Variants in ARHGAP44 observed in about 807,000 individuals in gnomAD.
ARHGAP44 encodes Rho GTPase activating protein 44.
A neutral mutation model predicts 106.8 loss-of-function variants in ARHGAP44; 43 were observed. The observed-to-expected ratio is 0.40, with a 90% CI of 0.32 to 0.52. The LOEUF is 0.52. ARHGAP44 is among the 20% of genes least tolerant of loss of function. The probability of loss-of-function intolerance (pLI) is 0.48; values close to 1 mark genes in which losing one functional copy is unlikely to be tolerated. For missense variants in ARHGAP44, 866 were observed against 1,050.5 expected, an observed-to-expected ratio of 0.82 and a Z score of 2.43; for synonymous variants, 439 against 410.3, an observed-to-expected ratio of 1.07 and a Z score of -0.85.
chr17:12,906,077 G>A (rs984749049), intron 3 of ARHGAP44, among the ~76,000 whole-genome samples: 1 of 152,212 alleles, frequency 6.6e-6, no homozygotes, highest in Non-Finnish European at 1.5e-5. Flanking sequence ...GTGCCAATCA[G>A]AAATGTCTCC....
At chr17:12,967,774 AC>A (rs1468847087) in intron 16 of ARHGAP44, among the ~76,000 whole-genome samples, 1 of 152,070 alleles carries the variant, frequency 6.6e-6, no homozygotes, top group Non-Finnish European at 1.5e-5. Context: ...TGTATGGTCT[AC>A]CAGGTTGCAG....
chr17:12,989,099 C>G (rs375177541), intron 20 of ARHGAP44, among the ~76,000 whole-genome samples: 764 of 37,314 alleles, frequency 0.02, 13 homozygotes, highest in African/African-American at 0.043. Context: ...CTCCACCCCC[C>G]CCAAAAAAAA....
Position 12,949,232 on chromosome 17 carries a change from A to G in ARHGAP44, c.954A>G (p.Ala318=). Residue 318 remains alanine, a synonymous_variant, in exon 11 of 21, where the codon GCA becomes GCG. Coordinates refer to ENST00000379672, the MANE Select transcript of ARHGAP44 (RefSeq NM_014859.6). This position sits in a 1 kb window ranked among gnomAD's most constrained non-coding sequence, Gnocchi z 4.1. Reference sequence around the variant, plus strand: ...TGGTGGATGTGCAGGAGTACTCGGCAGACCCCCACGCAATTGCAGGTGGGC... The same window carrying G: ...TGGTGGATGTGCAGGAGTACTCGGCGGACCCCCACGCAATTGCAGGTGGGC... ...CCVVDVQEYS[A]DPHAIAGALK... 5 of 1,566,698 alleles carry G rather than the reference A, an allele frequency of 3.2e-6. No homozygotes were observed. Among genetic ancestry groups the G allele is most frequent in the Non-Finnish European group, 4.3e-6 (5 of 1,155,760 alleles).
At chr17:12,859,590 A>G (rs1397927678) in intron 1 of ARHGAP44, among the ~76,000 whole-genome samples, 2 of 152,130 alleles carry the variant, frequency 1.3e-5, no homozygotes, top group Non-Finnish European at 2.9e-5. Flanking sequence ...ATTCTCTCTT[A>G]ATATTTCCTG....
At chr17:12,886,477 C>T (rs1434757227) in intron 1 of ARHGAP44, among the ~76,000 whole-genome samples, 2 of 151,992 alleles carry the variant, frequency 1.3e-5, no homozygotes, top group African/African-American at 4.8e-5. Flanking sequence ...TTTAGATTTG[C>T]TTTTATTTAT....
At chr17:12,942,241 G>A (rs923701049) in intron 8 of ARHGAP44, among the ~76,000 whole-genome samples, 3 of 152,336 alleles carry the variant, frequency 2.0e-5, no homozygotes, top group Admixed American at 6.5e-5. Context: ...CCACCTCCTG[G>A]GTTAAGATGA....
chr17:12,970,457 T>C (rs1300860654), intron 16 of ARHGAP44, among the ~76,000 whole-genome samples: 1 of 152,042 alleles, frequency 6.6e-6, no homozygotes, highest in East Asian at 1.9e-4. Context: ...ACTCCCCAGA[T>C]TCTGTAGGCT....
At chr17:12,903,648 A>C (rs2150932439) in intron 3 of ARHGAP44, among the ~76,000 whole-genome samples, 1 of 152,286 alleles carries the variant, frequency 6.6e-6, no homozygotes, top group East Asian at 1.9e-4. Flanking sequence ...TGTTGGTTAC[A>C]TGAGTAAGTT....
intron 1 of ARHGAP44, among the ~76,000 whole-genome samples, chr17:12,832,833 A>G (rs2035127522): frequency 1.3e-5 from 2 of 152,212 alleles, no homozygotes; most frequent in African/African-American, 4.8e-5. Flanking sequence ...TAAAAGGGAA[A>G]CATTGGAAGT....
chr17:12,833,025 C>A (rs2035133121), intron 1 of ARHGAP44, among the ~76,000 whole-genome samples: 1 of 152,222 alleles, frequency 6.6e-6, no homozygotes, highest in South Asian at 2.1e-4. Context: ...TGTGCCTGGG[C>A]ACAGTACTAT....
chr17:12,973,923 C>T, intron 17 of ARHGAP44, 166 bp from the exon 18 acceptor site: 1 of 747,462 alleles, frequency 1.3e-6, no homozygotes, highest in South Asian at 1.7e-5. Flanking sequence ...CGGGAGCAGC[C>T]AGGGTGCTGG....
chr17:12,923,236 GT>G (rs2038137043), intron 6 of ARHGAP44, among the ~76,000 whole-genome samples: 1 of 151,854 alleles, frequency 6.6e-6, no homozygotes, highest in African/African-American at 2.4e-5. Context: ...TTGAGACAGA[GT>G]TTTGCTCTTG....
At chr17:12,818,860 T>C (rs1031139691) in intron 1 of ARHGAP44, among the ~76,000 whole-genome samples, 1 of 152,056 alleles carries the variant, frequency 6.6e-6, no homozygotes, top group Non-Finnish European at 1.5e-5. Flanking sequence ...TATTGATCTA[T>C]AGGTTTCGTG....
In ARHGAP44 at chr17:12,941,046, C is replaced by T; in HGVS notation, c.583-10C>T. The T allele has an allele frequency of 6.2e-7, 1 of 1,613,594 alleles. No individual in the cohort carries two copies. The highest frequency in any genetic ancestry group is 8.5e-7 in the Non-Finnish European group (1 of 1,179,656). ...TGTTTTACCTTGGTTGTATATTTTA[C>T]CTTGCACAGGACCAGCTCTCAGCTG... is the stretch of plus-strand genomic sequence containing the variant. On this transcript the variant is annotated splice_polypyrimidine_tract_variant and intron_variant, in intron 7 of 20. Transcript: ENST00000379672.
chr17:12,942,986 T>G (rs1051956817), intron 8 of ARHGAP44, among the ~76,000 whole-genome samples: 9 of 151,842 alleles, frequency 5.9e-5, no homozygotes, highest in African/African-American at 2.2e-4. Context: ...TAGACTAACT[T>G]TGCAGAAACA....
chr17:12,895,734 C>G (rs1352109299), intron 2 of ARHGAP44, among the ~76,000 whole-genome samples: 3 of 152,138 alleles, frequency 2.0e-5, no homozygotes, highest in African/African-American at 7.2e-5. Context: ...CCATTTGACC[C>G]AGCCATCCCA....
chr17:12,830,487 C>G (rs577321590), intron 1 of ARHGAP44, among the ~76,000 whole-genome samples: 10 of 152,222 alleles, frequency 6.6e-5, no homozygotes, highest in Non-Finnish European at 1.5e-4. Flanking sequence ...TCTCATGGCT[C>G]AAACTTCTTA....
At chr17:12,791,974 G>A (rs2033775283) in intron 1 of ARHGAP44, among the ~76,000 whole-genome samples, 1 of 152,188 alleles carries the variant, frequency 6.6e-6, no homozygotes, top group South Asian at 2.1e-4. Context: ...AGCGACATCT[G>A]ATTGTGCTTA....
At chr17:12,815,269 T>C (rs1296220309) in intron 1 of ARHGAP44, among the ~76,000 whole-genome samples, 1 of 152,178 alleles carries the variant, frequency 6.6e-6, no homozygotes, top group Non-Finnish European at 1.5e-5. Flanking sequence ...ATGTACAATC[T>C]CATACACGGC....
Sources: allele counts gnomAD v4.1 joint callset (sites outside exome capture counted in the v4.1 genomes callset), GRCh38; gene constraint gnomAD v4.1.1; non-coding constraint Gnocchi (gnomAD v3.1); transcripts MANE v1.5; gene names NCBI Gene and HGNC (gene_info 2026-07-23, HGNC 2026-07-21).